Variants in LRRC1 observed in about 807,000 individuals in gnomAD.
LRRC1 encodes leucine rich repeat containing 1.
LRRC1 carries 28 observed loss-of-function variants against 69.9 expected under a neutral mutation model. That is an observed-to-expected ratio of 0.40 (90% CI 0.30 to 0.55). The LOEUF (loss-of-function observed/expected upper bound fraction) is 0.55. LRRC1 is among the 20% of genes least tolerant of loss of function. The pLI is 0.47. For synonymous variants in LRRC1, 236 were observed against 240.2 expected (o/e 0.98, Z 0.16); for missense variants, 498 against 609.0 (o/e 0.82, Z 1.92).
chr6:53,874,400 T>C (rs1336905948), intron 2 of LRRC1, among the ~76,000 whole-genome samples: 1 of 151,966 alleles, frequency 6.6e-6, no homozygotes. Flanking sequence ...ACTATGGTCC[T>C]ACTTTCACAA....
chr6:53,902,924 A>G (rs1768105285), intron 9 of LRRC1, among the ~76,000 whole-genome samples, 177 bp downstream of exon 9: 1 of 152,212 alleles, frequency 6.6e-6, no homozygotes, highest in South Asian at 2.1e-4. Context: ...AGTGGTGCTT[A>G]GGTTTCCCTG....
chr6:53,805,052 C>T (rs1009486162), intron 1 of LRRC1, among the ~76,000 whole-genome samples: 2 of 151,958 alleles, frequency 1.3e-5, no homozygotes, highest in East Asian at 3.9e-4. Flanking sequence ...ATCTCTGTGC[C>T]CATTATTCTT....
At chr6:53,885,703 G>A (rs1767450821) in intron 4 of LRRC1, among the ~76,000 whole-genome samples, 1 of 152,176 alleles carries the variant, frequency 6.6e-6, no homozygotes, top group South Asian at 2.1e-4. Context: ...GCCTCCTCAG[G>A]ATGGTCAGGG....
intron 1 of LRRC1, among the ~76,000 whole-genome samples, chr6:53,823,518 A>G (rs530617538): frequency 6.6e-6 from 1 of 152,104 alleles, no homozygotes; most frequent in Non-Finnish European, 1.5e-5. Context: ...TAAACTTTTA[A>G]GTTCAAGGGT....
At chr6:53,845,709 C>T (rs1427152003) in intron 2 of LRRC1, among the ~76,000 whole-genome samples, 1 of 152,168 alleles carries the variant, frequency 6.6e-6, no homozygotes, top group Non-Finnish European at 1.5e-5. Context: ...CTTGAATGTG[C>T]AAGGAATTAT....
At chr6:53,808,228 G>A (rs1055394318) in intron 1 of LRRC1, among the ~76,000 whole-genome samples, 22 of 152,184 alleles carry the variant, frequency 1.4e-4, no homozygotes, top group Non-Finnish European at 2.8e-4. Flanking sequence ...GACTGTGGTG[G>A]TAGCAGTAAA....
chr6:53,870,260 C>G (rs1172866519), intron 2 of LRRC1, among the ~76,000 whole-genome samples: 2 of 152,208 alleles, frequency 1.3e-5, no homozygotes, highest in South Asian at 2.1e-4. Flanking sequence ...GTTGGCCCAT[C>G]TTCTCAGGTC....
intron 11 of LRRC1, among the ~76,000 whole-genome samples, chr6:53,914,943 C>T (rs905851177): frequency 6.6e-6 from 1 of 152,184 alleles, no homozygotes; most frequent in Non-Finnish European, 1.5e-5. Context: ...TCACTTGTCC[C>T]ATCAGAGTGC....
chr6:53,871,806 T>G (rs1024000394), intron 2 of LRRC1, among the ~76,000 whole-genome samples: 9 of 152,188 alleles, frequency 5.9e-5, no homozygotes, highest in African/African-American at 1.9e-4. Flanking sequence ...TAGCCGGGAT[T>G]ACAGGCAAGT....
At chr6:53,858,793 A>C (rs1278963909) in intron 2 of LRRC1, among the ~76,000 whole-genome samples, 1 of 152,184 alleles carries the variant, frequency 6.6e-6, no homozygotes, top group Admixed American at 6.5e-5. Flanking sequence ...AGATTTATTG[A>C]ATTATGTAGA....
intron 3 of LRRC1, among the ~76,000 whole-genome samples, chr6:53,882,304 C>T (rs1456065946): frequency 3.3e-5 from 5 of 152,230 alleles, no homozygotes; most frequent in Admixed American, 1.3e-4. Flanking sequence ...GCCGAGATTG[C>T]GCCACTGCCC....
intron 10 of LRRC1, among the ~76,000 whole-genome samples, chr6:53,908,396 A>G (rs866774644): frequency 6.6e-6 from 1 of 152,202 alleles, no homozygotes; most frequent in African/African-American, 2.4e-5. Flanking sequence ...AAATATTACT[A>G]TGATACTCAG....
At chr6:53,802,630 T>C (rs1159655036) in intron 1 of LRRC1, among the ~76,000 whole-genome samples, 5 of 152,160 alleles carry the variant, frequency 3.3e-5, no homozygotes, top group East Asian at 1.9e-4. Context: ...ATTTTTGGTT[T>C]TGTTTAGATG....
chr6:53,846,457 C>T lies in LRRC1; in HGVS notation c.277+4230C>T, dbSNP rs948008243. 1.8e-4 allele frequency among the ~76,000 whole-genome samples: 27 copies of T among 152,162 alleles called. 1 individual carries two copies. Among genetic ancestry groups the T allele is most frequent in the Admixed American group, 5.9e-4 (9 of 15,282 alleles). ...CCTGGCTCTGCTGTCAGCACGCGGT[C>T]GACTTTGGGCAGGCCCCTTCCGATG... On this transcript the variant is annotated intron_variant, in intron 2 of 13. Coordinates refer to ENST00000370888, the MANE Select transcript of LRRC1 (RefSeq NM_018214.5).
At position 53,922,899 on chromosome 6, in the gene LRRC1, C is replaced by T. The variant is rs918755374; in HGVS notation, c.*106C>T. ...CTCCTTGTCCTAACCAGCCCCCGCG[C>T]GCCATCTTCCCGTGGAGTGTGGGGA... On this transcript the variant is annotated 3_prime_UTR_variant, in exon 14 of 14. Transcript: ENST00000370888. 34 of 1,094,168 alleles carry T rather than the reference C, an allele frequency of 3.1e-5. No individual in the cohort carries two copies. The highest frequency in any genetic ancestry group is 2.2e-4 in the Middle Eastern group (1 of 4,608). 67.8% of individuals were successfully genotyped at this position (1,094,168 alleles called of 1,614,324 possible). A position where few individuals can be genotyped will look rare whatever the true frequency, so the allele number is the denominator to read the frequency against.
At chr6:53,921,394 G>A (rs1414892288) in intron 13 of LRRC1, among the ~76,000 whole-genome samples, 1 of 152,072 alleles carries the variant, frequency 6.6e-6, no homozygotes, top group Non-Finnish European at 1.5e-5. Context: ...AGTGAATGCT[G>A]TCTCTTCCCA....
At chr6:53,798,626 G>C (rs979576120) in intron 1 of LRRC1, among the ~76,000 whole-genome samples, 2 of 152,124 alleles carry the variant, frequency 1.3e-5, no homozygotes, top group African/African-American at 4.8e-5. Flanking sequence ...TGACCCACCC[G>C]CCTTAGCCTC....
intron 2 of LRRC1, among the ~76,000 whole-genome samples, chr6:53,876,292 TCA>T (rs1767066646): frequency 6.6e-6 from 1 of 152,120 alleles, no homozygotes; most frequent in Non-Finnish European, 1.5e-5. Flanking sequence ...CCCCCATGAT[TCA>T]GTTACCTCCT....
chr6:53,884,074 G>C (rs1767389191), intron 4 of LRRC1: 1 of 709,532 alleles, frequency 1.4e-6, no homozygotes, highest in Non-Finnish European at 2.6e-6. Context: ...AAACTCTCAG[G>C]AGGAGAAGAA....
Sources: gnomAD v4.1 joint callset for allele counts (sites outside exome capture counted in the v4.1 genomes callset) on GRCh38, gnomAD v4.1.1 for gene constraint, MANE v1.5 for transcripts, NCBI Gene and HGNC (gene_info 2026-07-23, HGNC 2026-07-21) for gene names.